FBXL5: variants seen among roughly 807,000 people sequenced by gnomAD.
FBXL5 encodes F-box and leucine rich repeat protein 5, also known as F-box/LRR-repeat protein 5.
Under a neutral mutation model 78.3 loss-of-function variants are expected in FBXL5, and 26 were observed. That is an observed-to-expected ratio of 0.33 (90% CI 0.24 to 0.46). FBXL5 has a LOEUF of 0.46. Ranked by LOEUF, FBXL5 falls within the 20% of genes least tolerant of loss-of-function variation. FBXL5 has a pLI of 1.00. For synonymous variants in FBXL5, 295 were observed against 282.5 expected, an observed-to-expected ratio of 1.04 and a Z score of -0.45; for missense variants, 710 against 829.2, an observed-to-expected ratio of 0.86 and a Z score of 1.77.
intron 5 of FBXL5, among the ~76,000 whole-genome samples, chr4:15,633,161 A>C (rs999672421): frequency 6.6e-6 from 1 of 152,274 alleles, no homozygotes; most frequent in Non-Finnish European, 1.5e-5. Flanking sequence ...ACCAAAGTTC[A>C]TATTTTCCCA....
chr4:15,668,158 AG>A (rs1717624600), intron 1 of FBXL5, among the ~76,000 whole-genome samples: 1 of 151,946 alleles, frequency 6.6e-6, no homozygotes, highest in Non-Finnish European at 1.5e-5. Flanking sequence ...TAATGTGTGA[AG>A]GATTTCATCT....
intron 2 of FBXL5, among the ~76,000 whole-genome samples, chr4:15,643,689 G>A (rs897880379): frequency 2.6e-5 from 4 of 152,300 alleles, no homozygotes; most frequent in Admixed American, 6.5e-5. Context: ...CTACAGATGT[G>A]AGCCACTGCA....
At chr4:15,647,582 G>A (rs1266984182) in intron 1 of FBXL5, among the ~76,000 whole-genome samples, 1 of 152,144 alleles carries the variant, frequency 6.6e-6, no homozygotes, top group South Asian at 2.1e-4. Context: ...TAGACTATTA[G>A]AAATTCTTTT....
In FBXL5 at chr4:15,625,000, T is replaced by C. The variant is rs1712885472; in HGVS notation, c.1850+252A>G. Among the ~76,000 whole-genome samples the C allele has an allele frequency of 3.3e-5, 5 of 152,348 alleles. No homozygotes were observed. The South Asian group carries it at 1.0e-3, about 32-fold the overall frequency. ...TACCTTAAAATATGTGATGTAGCCA[T>C]TTACTAAGTATTTATTAAACTTTAG... On this transcript the variant is annotated intron_variant, in intron 9 of 10. Coordinates refer to ENST00000341285, the MANE Select transcript of FBXL5 (RefSeq NM_012161.4).
chr4:15,670,481 A>G (rs935999646), intron 1 of FBXL5, among the ~76,000 whole-genome samples: 7 of 152,072 alleles, frequency 4.6e-5, no homozygotes, highest in Non-Finnish European at 1.0e-4. Context: ...CTTTTAACCT[A>G]TTTGGGTTTT....
chr4:15,652,395 C>G (rs781439607), intron 1 of FBXL5, among the ~76,000 whole-genome samples: 1 of 152,172 alleles, frequency 6.6e-6, no homozygotes, highest in South Asian at 2.1e-4. Context: ...ATCTAGGCCT[C>G]TAAGTCCCCA....
chr4:15,649,757 T>C (rs1715750023), intron 1 of FBXL5, among the ~76,000 whole-genome samples: 3 of 152,234 alleles, frequency 2.0e-5, no homozygotes, highest in South Asian at 4.1e-4. Context: ...AAGCCAATGA[T>C]GTGTGAGAAA....
chr4:15,653,454 ATTCT>A (rs1247976329), intron 1 of FBXL5, among the ~76,000 whole-genome samples: 2 of 152,150 alleles, frequency 1.3e-5, no homozygotes, highest in African/African-American at 2.4e-5. Context: ...TTAAATTGTG[ATTCT>A]TTATTTTGGG....
chr4:15,656,312 G>C (rs1716944010), upstream of FBXL5: 2 of 456,160 alleles, frequency 4.4e-6, no homozygotes, highest in Non-Finnish European at 8.8e-6. Context: ...GCTCACGCCG[G>C]TCAGTCTTAG....
chr4:15,655,306 C>A lies in FBXL5; in HGVS notation c.-19G>T. ...GCGCCATCGCCACTGCCTCAGCCTC[C>A]GCCTCAGCAGCCGCGGCCGCCGCCT... On this transcript the variant is annotated 5_prime_UTR_variant, in exon 1 of 11. Transcript: ENST00000341285. 2.2e-6 allele frequency: 3 copies of A among 1,384,952 alleles called. No individual in the cohort carries two copies. The highest frequency in any genetic ancestry group is 1.9e-6 in the Non-Finnish European group (2 of 1,044,434). 85.8% of individuals were successfully genotyped at this position (1,384,952 alleles called of 1,614,324 possible).
intron 1 of FBXL5, among the ~76,000 whole-genome samples, chr4:15,668,461 AT>A (rs895463355): frequency 2.7e-5 from 4 of 150,026 alleles, no homozygotes; most frequent in African/African-American, 7.3e-5. Flanking sequence ...ACATTCTTTT[AT>A]TTTTTTTTGT....
intron 2 of FBXL5, among the ~76,000 whole-genome samples, chr4:15,642,456 G>A (rs1002505774): frequency 2.0e-5 from 3 of 151,794 alleles, no homozygotes; most frequent in African/African-American, 4.8e-5. Flanking sequence ...GGCTGGTCTC[G>A]AACTCCTGAC....
intron 4 of FBXL5, among the ~76,000 whole-genome samples, chr4:15,637,790 A>G (rs1025967094): frequency 6.6e-6 from 1 of 152,208 alleles, no homozygotes; most frequent in Non-Finnish European, 1.5e-5. Flanking sequence ...TAAAAATAAA[A>G]GGACCAATTT....
In FBXL5 at chr4:15,648,071, G is replaced by C. The variant is rs376380017; in HGVS notation, c.85-3363C>G. 2.6e-5 allele frequency among the ~76,000 whole-genome samples: 4 copies of C among 152,188 alleles called. No individual in the cohort carries two copies. In the East Asian group the frequency reaches 5.8e-4, roughly 22 times the overall value. On this transcript the variant is annotated intron_variant, in intron 1 of 10. Transcript: ENST00000341285. ...GGGGTCTCACTATGTTGGCCAAGCT[G>C]GTCTTAAAGTCCTGGCTTCAAGCGA...
chr4:15,658,340 T>G (rs1477074896), upstream of FBXL5, among the ~76,000 whole-genome samples: 1 of 152,202 alleles, frequency 6.6e-6, no homozygotes, highest in Non-Finnish European at 1.5e-5. Context: ...GCAGGCTGAT[T>G]TAGGAATTGC....
upstream of FBXL5, chr4:15,659,685 GA>G (rs2148762751): frequency 1.0e-6 from 1 of 975,206 alleles, no homozygotes; most frequent in Admixed American, 6.2e-5. Context: ...TTCAGACAGA[GA>G]AGAGCCTTCC....
chr4:15,632,012 T>C (rs531614705), intron 5 of FBXL5, among the ~76,000 whole-genome samples: 1 of 152,232 alleles, frequency 6.6e-6, no homozygotes, highest in Non-Finnish European at 1.5e-5. Flanking sequence ...CTGAATGGTA[T>C]TGCCTAGGTT....
chr4:15,659,676 T>C (rs1371809379), upstream of FBXL5: 1 of 959,212 alleles, frequency 1.0e-6, no homozygotes, highest in African/African-American at 1.8e-5. Flanking sequence ...TGCAAAATTT[T>C]CAGACAGAGA....
At chr4:15,640,648 CT>C in intron 3 of FBXL5, 139 bp downstream of exon 3, 3 of 402,844 alleles carry the variant, frequency 7.4e-6, no homozygotes, top group Non-Finnish European at 1.3e-5. Context: ...CTTGGGTTTT[CT>C]TTTTTCCCAA....
Sources: allele counts gnomAD v4.1 joint callset (sites outside exome capture counted in the v4.1 genomes callset), GRCh38; gene constraint gnomAD v4.1.1; transcripts MANE v1.5; gene names NCBI Gene and HGNC (gene_info 2026-07-23, HGNC 2026-07-21).